Variants in HNF4G observed in about 807,000 individuals in gnomAD.
HNF4G encodes hepatocyte nuclear factor 4 gamma, also known as hepatocyte nuclear factor 4-gamma.
In HNF4G, 21 loss-of-function variants were observed where a neutral mutation model predicts 50.9. The ratio of observed to expected loss-of-function variants is 0.41; its 90% CI spans 0.29 to 0.59. The LOEUF (loss-of-function observed/expected upper bound fraction) is 0.59, where lower values mean the gene tolerates loss of function less well. Among genes scored for constraint, HNF4G ranks in the 20% least tolerant of loss-of-function variants. The probability of loss-of-function intolerance (pLI) is 0.26; values close to 1 mark genes in which losing one functional copy is unlikely to be tolerated. For missense variants in HNF4G, 527 were observed against 559.4 expected, an observed-to-expected ratio of 0.94 and a Z score of 0.58; for synonymous variants, 198 against 185.6, an observed-to-expected ratio of 1.07 and a Z score of -0.54.
chr8:75,502,672 A>T (rs547584438), intron 2 of HNF4G, among the ~76,000 whole-genome samples: 12 of 152,324 alleles, frequency 7.9e-5, no homozygotes, highest in African/African-American at 2.6e-4. Flanking sequence ...GAGGTTGTGG[A>T]AAAACAGGCA....
intron 2 of HNF4G, among the ~76,000 whole-genome samples, chr8:75,528,234 T>C (rs1187608103): frequency 1.3e-5 from 2 of 152,186 alleles, no homozygotes; most frequent in African/African-American, 4.8e-5. Flanking sequence ...AATATGGGCC[T>C]ACCAAGGCTC....
At chr8:75,558,270 T>C (rs1807188712) in intron 6 of HNF4G, among the ~76,000 whole-genome samples, 1 of 152,220 alleles carries the variant, frequency 6.6e-6, no homozygotes, top group South Asian at 2.1e-4. Context: ...TAGTCTGCAC[T>C]TTTGTGTTAT....
intron 2 of HNF4G, among the ~76,000 whole-genome samples, chr8:75,514,301 C>G (rs997421416): frequency 1.4e-5 from 2 of 147,426 alleles, no homozygotes; most frequent in Non-Finnish European, 3.0e-5. Flanking sequence ...TTTTTTCCAT[C>G]TTTTTGCTTT....
intron 5 of HNF4G, among the ~76,000 whole-genome samples, chr8:75,554,067 G>A (rs1477170036): frequency 6.6e-6 from 1 of 151,908 alleles, no homozygotes; most frequent in Non-Finnish European, 1.5e-5. Flanking sequence ...ATTTTTAAGA[G>A]AGCGTTTCAC....
chr8:75,479,653 A>G (rs2130653389), intron 1 of HNF4G, among the ~76,000 whole-genome samples: 1 of 152,156 alleles, frequency 6.6e-6, no homozygotes. Flanking sequence ...TATTTGTTGA[A>G]CAAACATTTT....
chr8:75,454,262 G>A (rs776438308), intron 1 of HNF4G, among the ~76,000 whole-genome samples: 1 of 152,192 alleles, frequency 6.6e-6, no homozygotes, highest in South Asian at 2.1e-4. Context: ...CTCAAGAACC[G>A]AGAGAAATAA....
chr8:75,414,450 A>G (rs1810581623), intron 1 of HNF4G, among the ~76,000 whole-genome samples: 1 of 152,198 alleles, frequency 6.6e-6, no homozygotes, highest in African/African-American at 2.4e-5. Context: ...ATATATGTAT[A>G]TACCCATGAA....
intron 3 of HNF4G, among the ~76,000 whole-genome samples, chr8:75,550,960 A>T (rs761056430): frequency 3.3e-5 from 5 of 152,126 alleles, no homozygotes; most frequent in Non-Finnish European, 2.9e-5. Flanking sequence ...CTCGTGTTTT[A>T]TAGAGAAAAG....
intron 2 of HNF4G, among the ~76,000 whole-genome samples, chr8:75,501,013 T>A (rs1812911582): frequency 6.6e-6 from 1 of 151,934 alleles, no homozygotes; most frequent in Non-Finnish European, 1.5e-5. Flanking sequence ...TATCTATATA[T>A]AAAATGTGTT....
At chr8:75,530,757 A>T (rs183913017) in intron 2 of HNF4G, among the ~76,000 whole-genome samples, 2 of 151,840 alleles carry the variant, frequency 1.3e-5, no homozygotes, top group East Asian at 3.9e-4. Flanking sequence ...AGGAAAGCAT[A>T]CAAGACAGAA....
chr8:75,440,745 T>A (rs544685406), intron 1 of HNF4G, among the ~76,000 whole-genome samples: 69 of 152,336 alleles, frequency 4.5e-4, no homozygotes, highest in African/African-American at 1.4e-3. Context: ...AATGTTAAAT[T>A]ATAAATTTTA....
intron 1 of HNF4G, among the ~76,000 whole-genome samples, chr8:75,424,680 G>C (rs565470355): frequency 6.6e-6 from 1 of 152,078 alleles, no homozygotes; most frequent in Non-Finnish European, 1.5e-5. Flanking sequence ...TAGGATAATG[G>C]CCTCCAGTTG....
chr8:75,529,289 T>TA (rs1173147940), intron 2 of HNF4G, among the ~76,000 whole-genome samples: 1,689 of 139,990 alleles, frequency 0.012, 23 homozygotes, highest in African/African-American at 0.035. Flanking sequence ...AGGTTCTGTC[T>TA]AAAAAAAAAA....
chr8:75,437,386 T>C (rs765789931), intron 1 of HNF4G, among the ~76,000 whole-genome samples: 30 of 152,208 alleles, frequency 2.0e-4, no homozygotes, highest in Non-Finnish European at 3.4e-4. Flanking sequence ...GCATACACTT[T>C]AGGCAAAGTG....
At chr8:75,447,598 C>T (rs1461258046) in intron 1 of HNF4G, among the ~76,000 whole-genome samples, 1 of 151,658 alleles carries the variant, frequency 6.6e-6, no homozygotes, top group East Asian at 1.9e-4. Context: ...AAAAAACAAA[C>T]AACCCCATCA....
intron 1 of HNF4G, among the ~76,000 whole-genome samples, chr8:75,472,625 C>T (rs1197084741): frequency 6.6e-6 from 1 of 152,102 alleles, no homozygotes; most frequent in Non-Finnish European, 1.5e-5. Context: ...ATGTTACAGT[C>T]TATTTGTGTA....
intron 1 of HNF4G, among the ~76,000 whole-genome samples, chr8:75,482,240 T>C (rs920759942): frequency 4.6e-5 from 7 of 152,136 alleles, no homozygotes; most frequent in African/African-American, 1.4e-4. Context: ...GATTAGCTAG[T>C]TGCCTAGAAA....
At chr8:75,549,169 T>C (rs1199667777) in intron 3 of HNF4G, among the ~76,000 whole-genome samples, 1 of 152,220 alleles carries the variant, frequency 6.6e-6, no homozygotes, top group African/African-American at 2.4e-5. Flanking sequence ...AAGAATGTGT[T>C]ATTTTCTTAA....
chr8:75,462,508 C>T, intron 1 of HNF4G, among the ~76,000 whole-genome samples: 1 of 152,158 alleles, frequency 6.6e-6, no homozygotes, highest in East Asian at 1.9e-4. Context: ...CCATTTAGAA[C>T]TTATACATTG....
Sources: allele counts gnomAD v4.1 joint callset (sites outside exome capture counted in the v4.1 genomes callset), GRCh38; gene constraint gnomAD v4.1.1; transcripts MANE v1.5; gene names NCBI Gene and HGNC (gene_info 2026-07-23, HGNC 2026-07-21).